Variants in GPHN observed in about 807,000 individuals in gnomAD.
GPHN encodes gephyrin.
Under a neutral mutation model 95.5 loss-of-function variants are expected in GPHN, and 17 were observed. The observed-to-expected ratio is 0.18, with a 90% CI of 0.12 to 0.27. GPHN has a LOEUF of 0.27. Among genes scored for constraint, GPHN ranks in the 10% least tolerant of loss-of-function variants. The pLI, the probability that GPHN is intolerant of heterozygous loss-of-function variation, is 1.00. For synonymous variants in GPHN, 320 were observed against 322.5 expected (o/e 0.99, Z 0.08); for missense variants, 660 against 978.1 (o/e 0.67, Z 4.34).
At chr14:67,154,938 C>A (rs2081498312) in intron 18 of GPHN, among the ~76,000 whole-genome samples, 1 of 152,004 alleles carries the variant, frequency 6.6e-6, no homozygotes, top group African/African-American at 2.4e-5. Flanking sequence ...AAAAAGTGAA[C>A]CACAGAGAAG....
At chr14:66,572,897 CATATATGGTCTTT>C (rs1408707920) in intron 1 of GPHN, among the ~76,000 whole-genome samples, 1 of 152,108 alleles carries the variant, frequency 6.6e-6, no homozygotes, top group Non-Finnish European at 1.5e-5. Flanking sequence ...GCACACTTTT[CATATATGGTCTTT>C]ATTGTGTTGT....
At chr14:67,115,870 G>T (rs983222966) in intron 16 of GPHN, among the ~76,000 whole-genome samples, 1 of 152,106 alleles carries the variant, frequency 6.6e-6, no homozygotes, top group Non-Finnish European at 1.5e-5. Flanking sequence ...TCTAAAACTT[G>T]CCCCAGTATT....
chr14:67,572,118 C>A, the GPHN span: 7 of 1,600,910 alleles, frequency 4.4e-6, no homozygotes, highest in Middle Eastern at 1.7e-4. Flanking sequence ...GGCCTTGACT[C>A]CTCCTCCCTC....
At chr14:67,137,347 AT>A (rs922495973) in intron 17 of GPHN, among the ~76,000 whole-genome samples, 5 of 151,732 alleles carry the variant, frequency 3.3e-5, no homozygotes, top group South Asian at 2.1e-4. Flanking sequence ...GGGTTTCACC[AT>A]GTTAACCAGA....
chr14:67,531,309 T>C, the GPHN span, among the ~76,000 whole-genome samples: 4 of 152,066 alleles, frequency 2.6e-5, no homozygotes. Flanking sequence ...CAACAAAAGT[T>C]GTAACTTGCC....
intron 2 of GPHN, among the ~76,000 whole-genome samples, chr14:66,745,696 T>C (rs1170246308): frequency 6.6e-6 from 1 of 152,040 alleles, no homozygotes. Context: ...AGACTTTTAT[T>C]ATATAGTTGA....
At chr14:66,745,657 A>C (rs751783600) in intron 2 of GPHN, among the ~76,000 whole-genome samples, 10 of 151,978 alleles carry the variant, frequency 6.6e-5, no homozygotes, top group Non-Finnish European at 1.3e-4. Context: ...AAAAAATGTA[A>C]ATTTAGATAA....
chr14:67,216,833 A>G, the GPHN span, among the ~76,000 whole-genome samples: 42 of 152,320 alleles, frequency 2.8e-4, no homozygotes, highest in South Asian at 5.8e-3. Flanking sequence ...GTCCTAACAT[A>G]TAGTCAATCC....
intron 3 of GPHN, among the ~76,000 whole-genome samples, chr14:66,802,633 C>T (rs2060400589): frequency 6.6e-6 from 1 of 152,160 alleles, no homozygotes; most frequent in African/African-American, 2.4e-5. Context: ...TATCACTGCT[C>T]ATTATTCAGT....
chr14:67,346,196 G>A, the GPHN span, among the ~76,000 whole-genome samples: 2 of 152,172 alleles, frequency 1.3e-5, no homozygotes, highest in African/African-American at 2.4e-5. Context: ...TCTGTGAACA[G>A]GTGACTCTCT....
intron 1 of GPHN, among the ~76,000 whole-genome samples, chr14:66,642,551 T>A (rs1342836525): frequency 3.0e-5 from 4 of 132,820 alleles, no homozygotes; most frequent in African/African-American, 1.5e-4. Context: ...GCAGACATTT[T>A]GATTTTTGTT....
intron 1 of GPHN, among the ~76,000 whole-genome samples, chr14:66,607,902 C>G (rs2062614189): frequency 6.6e-6 from 1 of 151,902 alleles, no homozygotes; most frequent in Admixed American, 6.6e-5. Flanking sequence ...CTTTGTTAAT[C>G]TAATGAGAAG....
At chr14:67,659,608 T>TG in the GPHN span, 6 of 989,704 alleles carry the variant, frequency 6.1e-6, no homozygotes, top group Non-Finnish European at 8.4e-6. Context: ...AGGATAAGGG[T>TG]GAAAAAAATG....
chr14:67,574,107 A>G, the GPHN span: 10 of 764,370 alleles, frequency 1.3e-5, no homozygotes, highest in African/African-American at 7.0e-5. This position sits in a 1 kb window ranked among gnomAD's most constrained non-coding sequence, Gnocchi z 4.2. Flanking sequence ...ATGAGGAGGA[A>G]AAGAAAGGAG....
At chr14:67,678,771 A>G in the GPHN span, among the ~76,000 whole-genome samples, 1 of 152,098 alleles carries the variant, frequency 6.6e-6, no homozygotes, top group African/African-American at 2.4e-5. Context: ...CCCATTCTAC[A>G]GAGCCTTGGA....
chr14:67,292,720 G>T, the GPHN span: 1 of 1,612,062 alleles, frequency 6.2e-7, no homozygotes, highest in South Asian at 1.1e-5. Flanking sequence ...TGCTCAAGAG[G>T]TATGTATTCT....
At chr14:67,393,176 C>T in the GPHN span, 1 of 1,613,766 alleles carries the variant, frequency 6.2e-7, no homozygotes, top group Non-Finnish European at 8.5e-7. Context: ...ATAGGTGCTT[C>T]CCTGCTCCAT....
chr14:67,470,668 C>T, the GPHN span: 3 of 152,764 alleles, frequency 2.0e-5, no homozygotes, highest in Non-Finnish European at 4.4e-5. Flanking sequence ...CATGGGGACT[C>T]CCTAGGTATT....
chr14:67,363,607 T>TAG, the GPHN span, among the ~76,000 whole-genome samples: 7 of 152,270 alleles, frequency 4.6e-5, no homozygotes, highest in East Asian at 1.4e-3. Context: ...AAAGAACAAG[T>TAG]AACTTAACCT....
Sources: allele counts gnomAD v4.1 joint callset (sites outside exome capture counted in the v4.1 genomes callset), GRCh38; gene constraint gnomAD v4.1.1; non-coding constraint Gnocchi (gnomAD v3.1); transcripts MANE v1.5; gene names NCBI Gene and HGNC (gene_info 2026-07-23, HGNC 2026-07-21).